The following LAMA2 variants were observed in gnomAD, a reference collection of about 807,000 sequenced individuals.
LAMA2 encodes the protein laminin subunit alpha-2.
LAMA2 carries 269 observed loss-of-function variants against 364.8 expected under a neutral mutation model. That is an observed-to-expected ratio of 0.74 (90% confidence interval 0.67 to 0.82). The LOEUF (loss-of-function observed/expected upper bound fraction) is 0.82. Ranked by LOEUF, LAMA2 falls within the 40% of genes least tolerant of loss-of-function variation. The pLI is 0.00. For missense variants in LAMA2, 3,807 were observed against 3,873.2 expected, an observed-to-expected ratio of 0.98 and a Z score of 0.45; for synonymous variants, 1,379 against 1,370.6, an observed-to-expected ratio of 1.01 and a Z score of -0.14.
chr6:128,949,116 G>A (rs988870787), intron 1 of LAMA2, among the ~76,000 whole-genome samples: 4 of 152,180 alleles, frequency 2.6e-5, no homozygotes, highest in Admixed American at 2.6e-4. Context: ...ACTCCAGTGA[G>A]ATAAGTCTAA....
chr6:129,447,215 G>A (rs977658253), intron 45 of LAMA2, among the ~76,000 whole-genome samples: 2 of 152,138 alleles, frequency 1.3e-5, no homozygotes, highest in African/African-American at 4.8e-5. Context: ...ATATGTACAC[G>A]TACCTTGTCA....
At chr6:129,373,078 CTG>C (rs1256772435) in intron 34 of LAMA2, among the ~76,000 whole-genome samples, 1 of 152,160 alleles carries the variant, frequency 6.6e-6, no homozygotes, top group East Asian at 1.9e-4. Flanking sequence ...TGCTTCCCCT[CTG>C]TGGCTTGTCT....
At chr6:129,444,927 A>T (rs1782292918) in intron 44 of LAMA2, among the ~76,000 whole-genome samples, 1 of 152,270 alleles carries the variant, frequency 6.6e-6, no homozygotes, top group South Asian at 2.1e-4. Flanking sequence ...TCCCTTGAAA[A>T]GCACATACTG....
intron 3 of LAMA2, among the ~76,000 whole-genome samples, chr6:129,095,130 G>C (rs1775091828): frequency 6.6e-6 from 1 of 152,176 alleles, no homozygotes; most frequent in Non-Finnish European, 1.5e-5. Flanking sequence ...TTTGCCTGAA[G>C]AATACTTGCA....
intron 16 of LAMA2, among the ~76,000 whole-genome samples, chr6:129,268,377 TA>T (rs1291800875): frequency 6.6e-6 from 1 of 152,040 alleles, no homozygotes; most frequent in African/African-American, 2.4e-5. Context: ...AACACTTCAC[TA>T]ACATGCAGTA....
In LAMA2 at chr6:129,064,975, A is replaced by T. The variant is rs1027132164; in HGVS notation, c.396+5079A>T. 4.6e-5 allele frequency among the ~76,000 whole-genome samples: 7 copies of T among 152,194 alleles called. 1 individual carries two copies. The highest frequency in any genetic ancestry group is 3.9e-4 in the Admixed American group (6 of 15,284). On this transcript the variant is annotated intron_variant, in intron 3 of 64. Coordinates refer to ENST00000421865, the MANE Select transcript of LAMA2 (RefSeq NM_000426.4). ...CTGCAAGAAAAGTACATTACAGATC[A>T]ATATTTTTGATGAACATAGATGCAA...
rs776376905 is a variant in LAMA2, at chr6:129,143,894, T to A, written c.640-7T>A. On this transcript the variant is annotated splice_polypyrimidine_tract_variant and splice_region_variant and intron_variant, in intron 4 of 64. Transcript: ENST00000421865. Reference sequence around the variant, plus strand: ...ATAATTGTTAAATTATTTTTCATATTGTGTAGATTCACATCTCTTTAATCA... The same window carrying A: ...ATAATTGTTAAATTATTTTTCATATAGTGTAGATTCACATCTCTTTAATCA... 1 of 1,570,248 alleles carries A rather than the reference T, an allele frequency of 6.4e-7. No individual in the cohort carries two copies. The highest frequency in any genetic ancestry group is 1.7e-5 in the Admixed American group (1 of 59,450).
chr6:129,297,389 C>T (rs889632696), intron 20 of LAMA2, among the ~76,000 whole-genome samples: 5 of 152,164 alleles, frequency 3.3e-5, no homozygotes, highest in Non-Finnish European at 7.4e-5. Flanking sequence ...TTCCATATTG[C>T]TATTGAAATC....
chr6:129,404,048 T>C, intron 40 of LAMA2, 89 bp downstream of exon 40: 1 of 1,427,580 alleles, frequency 7.0e-7, no homozygotes, highest in Non-Finnish European at 9.7e-7. Flanking sequence ...TCCCAGTAAA[T>C]TGGTATATTT....
At chr6:129,252,695 A>C (rs1786356477) in intron 14 of LAMA2, among the ~76,000 whole-genome samples, 1 of 152,190 alleles carries the variant, frequency 6.6e-6, no homozygotes, top group Non-Finnish European at 1.5e-5. Context: ...GTTGTTAACT[A>C]GTTTCTGGCT....
At position 129,450,361 on chromosome 6, in the gene LAMA2, C is replaced by A. The variant is rs150025567; in HGVS notation, c.6430-2627C>A. 4.6e-5 allele frequency among the ~76,000 whole-genome samples: 7 copies of A among 151,746 alleles called. No homozygotes were observed. In the East Asian group the frequency reaches 1.4e-3, roughly 29 times the overall value. On this transcript the variant is annotated intron_variant, in intron 45 of 64. Coordinates refer to ENST00000421865, the MANE Select transcript of LAMA2 (RefSeq NM_000426.4). ...TTGACATGGAGTCTCACTTTGTCAC[C>A]CAGGCTGGAGTACAGTGGCACGATC...
At chr6:129,250,022 A>G (rs1048557724) in intron 12 of LAMA2, 90 bp from the exon 13 acceptor site, 3 of 831,738 alleles carry the variant, frequency 3.6e-6, no homozygotes, top group Non-Finnish European at 4.2e-6. Context: ...TGCCCTATAG[A>G]ACAATAAAAT....
At chr6:129,478,284 T>TAA (rs1405806792) in intron 53 of LAMA2, among the ~76,000 whole-genome samples, 4 of 150,250 alleles carry the variant, frequency 2.7e-5, no homozygotes, top group East Asian at 1.9e-4. Context: ...GATTTTTTTT[T>TAA]CTAACTTTTG....
At chr6:129,033,251 A>G (rs1420219666) in intron 1 of LAMA2, among the ~76,000 whole-genome samples, 1 of 152,070 alleles carries the variant, frequency 6.6e-6, no homozygotes, top group Non-Finnish European at 1.5e-5. Context: ...AAGTAAATGA[A>G]TGTGACTTTT....
intron 40 of LAMA2, among the ~76,000 whole-genome samples, chr6:129,420,487 C>T (rs562116329): frequency 6.6e-6 from 1 of 152,014 alleles, no homozygotes; most frequent in South Asian, 2.1e-4. Flanking sequence ...GGCACATTAA[C>T]CCCTGTGGAA....
At chr6:129,443,287 T>A (rs1239502625) in intron 44 of LAMA2, among the ~76,000 whole-genome samples, 1 of 152,174 alleles carries the variant, frequency 6.6e-6, no homozygotes, top group African/African-American at 2.4e-5. Context: ...TTTTTAATAG[T>A]GTTATAAAAA....
chr6:128,901,974 T>A (rs531444803), intron 1 of LAMA2, among the ~76,000 whole-genome samples: 2 of 152,306 alleles, frequency 1.3e-5, no homozygotes, highest in South Asian at 4.1e-4. Flanking sequence ...TTGACTCAGT[T>A]CCACCTGGCT....
At chr6:129,295,570 C>T (rs1257095934) in intron 20 of LAMA2, among the ~76,000 whole-genome samples, 1 of 152,062 alleles carries the variant, frequency 6.6e-6, no homozygotes, top group Non-Finnish European at 1.5e-5. Flanking sequence ...TACAACTTAG[C>T]CTTTAAAGCT....
At chr6:129,377,880 C>T (rs907377161) in intron 34 of LAMA2, among the ~76,000 whole-genome samples, 11 of 151,636 alleles carry the variant, frequency 7.3e-5, no homozygotes, top group African/African-American at 2.4e-4. Context: ...CTACATTGTT[C>T]AGAAGTAAAT....
Sources: allele counts gnomAD v4.1 joint callset (sites outside exome capture counted in the v4.1 genomes callset), GRCh38; gene constraint gnomAD v4.1.1; transcripts MANE v1.5; gene names NCBI Gene and HGNC (gene_info 2026-07-23, HGNC 2026-07-21).